GABRB2: variants seen among roughly 807,000 people sequenced by gnomAD.
GABRB2 encodes gamma-aminobutyric acid receptor subunit beta-2.
Under a neutral mutation model 54.7 loss-of-function variants are expected in GABRB2, and 16 were observed. The observed-to-expected ratio is 0.29, with a 90% CI of 0.20 to 0.44. The LOEUF is 0.44. GABRB2 is among the 20% of genes least tolerant of loss of function. The probability of loss-of-function intolerance (pLI) is 1.00; values close to 1 mark genes in which losing one functional copy is unlikely to be tolerated. For missense variants in GABRB2, 355 were observed against 644.0 expected (o/e 0.55, Z 4.86); for synonymous variants, 244 against 233.8 (o/e 1.04, Z -0.40).
At chr5:161,454,387 A>C (rs1317696701) in intron 4 of GABRB2, among the ~76,000 whole-genome samples, 2 of 152,074 alleles carry the variant, frequency 1.3e-5, no homozygotes, top group Non-Finnish European at 2.9e-5. Flanking sequence ...CAATCCTTTG[A>C]ATTTTCTTTA....
intron 4 of GABRB2, among the ~76,000 whole-genome samples, chr5:161,412,244 T>C (rs1756535156): frequency 6.6e-6 from 1 of 152,178 alleles, no homozygotes; most frequent in South Asian, 2.1e-4. Context: ...AATGGAAACA[T>C]GTGATTAACT....
chr5:161,422,259 A>G (rs1274399591), intron 4 of GABRB2, among the ~76,000 whole-genome samples: 5 of 152,136 alleles, frequency 3.3e-5, no homozygotes, highest in Admixed American at 1.3e-4. Flanking sequence ...GAAATATTCT[A>G]GGTAAGTACT....
chr5:161,480,111 A>G (rs1215641719), intron 3 of GABRB2, among the ~76,000 whole-genome samples: 1 of 152,030 alleles, frequency 6.6e-6, no homozygotes, highest in African/African-American at 2.4e-5. Context: ...AATGTCAGTC[A>G]GTACAATGGT....
chr5:161,521,742 C>T (rs1760122460), intron 3 of GABRB2, among the ~76,000 whole-genome samples: 1 of 151,820 alleles, frequency 6.6e-6, no homozygotes, highest in African/African-American at 2.4e-5. Flanking sequence ...AATGTGATAG[C>T]TCTTAATGCA....
At chr5:161,385,232 T>A (rs546393300) in intron 5 of GABRB2, among the ~76,000 whole-genome samples, 26 of 152,322 alleles carry the variant, frequency 1.7e-4, no homozygotes, top group Admixed American at 1.5e-3. Flanking sequence ...TATCTGCATC[T>A]CTACATACTC....
At chr5:161,449,334 A>G (rs1331016324) in intron 4 of GABRB2, among the ~76,000 whole-genome samples, 1 of 152,162 alleles carries the variant, frequency 6.6e-6, no homozygotes, top group East Asian at 1.9e-4. Flanking sequence ...CTTGACATAT[A>G]AAAGTATCCA....
intron 5 of GABRB2, among the ~76,000 whole-genome samples, chr5:161,338,586 A>C (rs1754063575): frequency 6.6e-6 from 1 of 152,044 alleles, no homozygotes; most frequent in African/African-American, 2.4e-5. Flanking sequence ...CCAGGAGTTC[A>C]AACCATCCTG....
chr5:161,365,166 A>T (rs1267086247), intron 5 of GABRB2, among the ~76,000 whole-genome samples: 5 of 152,170 alleles, frequency 3.3e-5, no homozygotes, highest in Non-Finnish European at 7.4e-5. Flanking sequence ...TCTTTAGCCT[A>T]GGTTTATAAT....
At chr5:161,535,391 C>T (rs955123129) in intron 3 of GABRB2, among the ~76,000 whole-genome samples, 10 of 151,416 alleles carry the variant, frequency 6.6e-5, no homozygotes, top group African/African-American at 2.4e-4. Context: ...GAGTAGACAG[C>T]AGAAACAGTA....
chr5:161,362,072 G>A (rs535057233), intron 5 of GABRB2, among the ~76,000 whole-genome samples: 6 of 152,296 alleles, frequency 3.9e-5, no homozygotes, highest in African/African-American at 1.4e-4. Context: ...GTTTGTCAAA[G>A]ATCAGATGAC....
intron 9 of GABRB2, among the ~76,000 whole-genome samples, chr5:161,319,976 A>G (rs1580976388): frequency 6.6e-6 from 1 of 151,512 alleles, no homozygotes; most frequent in Non-Finnish European, 1.5e-5. Flanking sequence ...GTTTTCTTTT[A>G]ATTTCCCCTT....
intron 9 of GABRB2, among the ~76,000 whole-genome samples, chr5:161,306,594 T>C (rs1030792820): frequency 6.6e-6 from 1 of 152,134 alleles, no homozygotes; most frequent in African/African-American, 2.4e-5. Flanking sequence ...ACACAGCCAG[T>C]GGACTTCGCT....
intron 5 of GABRB2, among the ~76,000 whole-genome samples, chr5:161,359,562 GTGA>G (rs1347044198): frequency 6.6e-6 from 1 of 151,962 alleles, no homozygotes; most frequent in Non-Finnish European, 1.5e-5. Context: ...CATAATATTG[GTGA>G]TGATAATACA....
At chr5:161,449,488 C>T (rs1757728334) in intron 4 of GABRB2, among the ~76,000 whole-genome samples, 1 of 152,072 alleles carries the variant, frequency 6.6e-6, no homozygotes, top group Non-Finnish European at 1.5e-5. Flanking sequence ...AAGTAAGCTG[C>T]CAGCAAAAGC....
chr5:161,523,357 C>A (rs1267595274), intron 3 of GABRB2, among the ~76,000 whole-genome samples: 1 of 151,456 alleles, frequency 6.6e-6, no homozygotes, highest in Non-Finnish European at 1.5e-5. Context: ...TAATTCTAAT[C>A]AAGCTAAAAA....
At chr5:161,322,075 G>C (rs1758227052) in intron 9 of GABRB2, among the ~76,000 whole-genome samples, 1 of 151,922 alleles carries the variant, frequency 6.6e-6, no homozygotes, top group Admixed American at 6.6e-5. Context: ...TTCAACCACT[G>C]CTTAGCTATC....
intron 3 of GABRB2, among the ~76,000 whole-genome samples, chr5:161,510,796 C>T (rs1406673359): frequency 2.6e-5 from 4 of 151,700 alleles, no homozygotes; most frequent in Non-Finnish European, 5.9e-5. Flanking sequence ...ATTTAGGGTT[C>T]ACTTAAAAAA....
chr5:161,379,098 T>C (rs1419216064), intron 5 of GABRB2, among the ~76,000 whole-genome samples: 2 of 152,192 alleles, frequency 1.3e-5, no homozygotes, highest in Non-Finnish European at 2.9e-5. Flanking sequence ...TCATTTTAAA[T>C]GAAACATCTA....
rs1457508478 is a variant in GABRB2, at chr5:161,524,469, C to A, written c.237+20758G>T. 4.0e-5 allele frequency among the ~76,000 whole-genome samples: 6 copies of A among 151,644 alleles called. 1 individual carries two copies. The highest frequency in any genetic ancestry group is 1.5e-4 in the African/African-American group (6 of 41,370). ...GTAAAAATTAAACCAAAGAGCAGAC[C>A]TGAGCAGGAGCACCAGATTGTACAT... On this transcript the variant is annotated intron_variant, in intron 3 of 9. Transcript: ENST00000393959.
Sources: gnomAD v4.1 joint callset for allele counts (sites outside exome capture counted in the v4.1 genomes callset) on GRCh38, gnomAD v4.1.1 for gene constraint, MANE v1.5 for transcripts, NCBI Gene and HGNC (gene_info 2026-07-23, HGNC 2026-07-21) for gene names.